Variants in TTLL5 observed in about 807,000 individuals in gnomAD.
The protein encoded by TTLL5 is tubulin tyrosine ligase like 5, also known as tubulin polyglutamylase TTLL5.
A neutral mutation model predicts 168.4 loss-of-function variants in TTLL5; 132 were observed. The observed-to-expected ratio is 0.78, with a 90% CI of 0.68 to 0.91. The LOEUF (loss-of-function observed/expected upper bound fraction) is 0.91, where lower values mean the gene tolerates loss of function less well. Among genes scored for constraint, TTLL5 ranks in the 40% least tolerant of loss-of-function variants. The pLI is 0.00. For synonymous variants in TTLL5, 546 were observed against 558.6 expected (o/e 0.98, Z 0.32); for missense variants, 1,545 against 1,581.5 (o/e 0.98, Z 0.39).
At chr14:75,813,355 G>A (rs2140397794) in intron 27 of TTLL5, among the ~76,000 whole-genome samples, 1 of 151,650 alleles carries the variant, frequency 6.6e-6, no homozygotes, top group East Asian at 1.9e-4. Context: ...AGGCTGGAGT[G>A]CAGTGGTGTG....
intron 28 of TTLL5, among the ~76,000 whole-genome samples, chr14:75,854,187 C>G (rs1897020388): frequency 6.6e-6 from 1 of 152,172 alleles, no homozygotes; most frequent in South Asian, 2.1e-4. Context: ...GCGTCTTTTT[C>G]CAGTCGATAC....
intron 2 of TTLL5, among the ~76,000 whole-genome samples, chr14:75,665,108 A>G (rs1883163422): frequency 6.6e-6 from 1 of 152,244 alleles, no homozygotes. Flanking sequence ...ATTCCTTACC[A>G]GAATAATGTT....
chr14:75,819,305 A>T (rs1271709468), intron 27 of TTLL5, among the ~76,000 whole-genome samples: 2 of 152,234 alleles, frequency 1.3e-5, no homozygotes, highest in African/African-American at 4.8e-5. Flanking sequence ...AGATTCTACC[A>T]ATTTATAGTC....
intron 11 of TTLL5, among the ~76,000 whole-genome samples, 197 bp downstream of exon 11, chr14:75,720,023 G>T (rs118051265): frequency 6.6e-6 from 1 of 152,102 alleles, no homozygotes; most frequent in Admixed American, 6.5e-5. Flanking sequence ...TCTTGTTTCG[G>T]GTCTGAAAGA....
intron 29 of TTLL5, among the ~76,000 whole-genome samples, chr14:75,868,759 T>G (rs1261707695): frequency 2.6e-5 from 4 of 152,164 alleles, no homozygotes; most frequent in African/African-American, 9.7e-5. Context: ...AAATTCTGCC[T>G]CCTCCTGCAG....
chr14:75,908,532 A>G (rs1490957855), intron 31 of TTLL5, among the ~76,000 whole-genome samples: 1 of 152,208 alleles, frequency 6.6e-6, no homozygotes, highest in Non-Finnish European at 1.5e-5. Flanking sequence ...CAGTCAGGTT[A>G]GAGAATTTGA....
Position 75,839,765 on chromosome 14 carries a change from C to A in TTLL5, c.3326+19604C>A, listed in dbSNP as rs530902489. ...GGGCACAACCAAATCATATCACCAT[C>A]CTAACGGGTGTGATCTCACTGTAGT... On this transcript the variant is annotated intron_variant, in intron 28 of 31. Transcript: ENST00000298832. Among the ~76,000 whole-genome samples the A allele has an allele frequency of 2.0e-5, 3 of 152,306 alleles. No individual in the cohort carries two copies. In the East Asian group the frequency reaches 5.8e-4, roughly 29 times the overall value.
At chr14:75,674,180 A>G (rs1203167950) in intron 3 of TTLL5, among the ~76,000 whole-genome samples, 3 of 152,136 alleles carry the variant, frequency 2.0e-5, no homozygotes, top group Non-Finnish European at 4.4e-5. Flanking sequence ...AAAGCCACCA[A>G]ACTTTTCTCA....
At chr14:75,795,229 A>G (rs75600783) in intron 27 of TTLL5, among the ~76,000 whole-genome samples, 2,774 of 152,320 alleles carry the variant, frequency 0.018, 87 homozygotes, top group African/African-American at 0.06. Context: ...AAAATACAAC[A>G]GGGTCATGAG....
intron 4 of TTLL5, among the ~76,000 whole-genome samples, 194 bp downstream of exon 4, chr14:75,681,821 G>A (rs567793589): frequency 6.6e-6 from 1 of 152,106 alleles, no homozygotes; most frequent in South Asian, 2.1e-4. Context: ...AACGTTTCCA[G>A]ATGATTTTAG....
In TTLL5 at chr14:75,779,637, T is replaced by C. The variant is rs1286056190; in HGVS notation, c.2450T>C (p.Phe817Ser). 6.2e-6 allele frequency: 10 copies of C among 1,613,876 alleles called. 1 individual carries two copies. Among genetic ancestry groups the C allele is most frequent in the East Asian group, 2.2e-5 (1 of 44,868 alleles). ...YTQKNKSASV[F>S]LGTHSKISKN... ...CAAAAGAACAAGTCTGCTAGTGTCT[T>C]CCTGGGGACTCACTCTAAAATTTCT... Residue 817 changes from phenylalanine (F) to serine (S), a missense_variant, in exon 24 of 32, where the codon TTC becomes TCC. Phe to Ser is a radical substitution (Grantham distance 155). Transcript: ENST00000298832.
intron 15 of TTLL5, among the ~76,000 whole-genome samples, 178 bp from the exon 16 acceptor site, chr14:75,744,913 GTTTA>G (rs1594959235): frequency 1.3e-5 from 2 of 152,174 alleles, no homozygotes; most frequent in Non-Finnish European, 2.9e-5. Context: ...TTGCCTTTGA[GTTTA>G]TTAGCTTTCG....
At chr14:75,738,573 G>A (rs1819311885) in intron 15 of TTLL5, among the ~76,000 whole-genome samples, 1 of 152,030 alleles carries the variant, frequency 6.6e-6, no homozygotes, top group East Asian at 1.9e-4. Context: ...CTTAGTTGGT[G>A]GAATTCGAAA....
At chr14:75,929,447 C>CT (rs370380415) in intron 31 of TTLL5, among the ~76,000 whole-genome samples, 7,585 of 120,702 alleles carry the variant, frequency 0.063, 384 homozygotes, top group South Asian at 0.088. Context: ...ATAAAGATAC[C>CT]TTTTTTTTTT....
intron 5 of TTLL5, among the ~76,000 whole-genome samples, chr14:75,687,496 A>G (rs1275528116): frequency 6.6e-6 from 1 of 151,820 alleles, no homozygotes; most frequent in Non-Finnish European, 1.5e-5. Flanking sequence ...CTGGTCTCGA[A>G]CTCCTGACCT....
intron 18 of TTLL5, among the ~76,000 whole-genome samples, chr14:75,759,600 C>T (rs889558633): frequency 2.0e-5 from 3 of 152,012 alleles, no homozygotes; most frequent in Admixed American, 1.3e-4. Context: ...AAATTACAGG[C>T]TAATATCCTT....
chr14:75,745,224 T>A lies in TTLL5; in HGVS notation c.1395+16T>A. On this transcript the variant is annotated intron_variant, in intron 16 of 31. Transcript: ENST00000298832. ...AATGGAGGAGGTAAAGATAAGTTCA[T>A]TTTAGGCTTTTGTGGGTTAACACAG... The A allele has an allele frequency of 6.2e-7, 1 of 1,611,822 alleles. No individual in the cohort carries two copies. The highest frequency in any genetic ancestry group is 1.7e-4 in the Middle Eastern group (1 of 6,054).
Position 75,725,292 on chromosome 14 carries a change from A to C in TTLL5, c.1042+4589A>C, listed in dbSNP as rs532116623. On this transcript the variant is annotated intron_variant, in intron 12 of 31. Transcript: ENST00000298832. ...AACAATGTAAACTACTTGGCCACCC[A>C]CAGAAAAATAATGAGAGTCATCAAT... is the stretch of plus-strand genomic sequence containing the variant. 8.5e-5 allele frequency among the ~76,000 whole-genome samples: 13 copies of C among 152,348 alleles called. No homozygotes were observed. In the East Asian group the frequency reaches 2.5e-3, roughly 29 times the overall value.
chr14:75,919,388 A>G (rs186760208), intron 31 of TTLL5, among the ~76,000 whole-genome samples: 82 of 152,234 alleles, frequency 5.4e-4, no homozygotes, highest in Middle Eastern at 6.8e-3. Context: ...CTAATAGTGA[A>G]TATAAAGCTA....
Sources: gnomAD v4.1 joint callset for allele counts (sites outside exome capture counted in the v4.1 genomes callset) on GRCh38, gnomAD v4.1.1 for gene constraint, MANE v1.5 for transcripts, NCBI Gene and HGNC (gene_info 2026-07-23, HGNC 2026-07-21) for gene names.